The following TRRAP variants were observed in gnomAD, a reference collection of about 807,000 sequenced individuals.
The protein encoded by TRRAP is transformation/transcription domain associated protein, also known as transformation/transcription domain-associated protein.
A neutral mutation model predicts 438.8 loss-of-function variants in TRRAP; 41 were observed. The observed-to-expected ratio is 0.09, with a 90% CI of 0.07 to 0.12. TRRAP has a LOEUF of 0.12. TRRAP is among the 10% of genes least tolerant of loss of function. The probability of loss-of-function intolerance (pLI) is 1.00; values close to 1 mark genes in which losing one functional copy is unlikely to be tolerated. For missense variants in TRRAP, 3,122 were observed against 5,055.1 expected, an observed-to-expected ratio of 0.62 and a Z score of 11.60; for synonymous variants, 1,994 against 1,962.9, an observed-to-expected ratio of 1.02 and a Z score of -0.42.
intron 50 of TRRAP, 120 bp from the exon 51 acceptor site, chr7:98,967,365 A>AT (rs1562964021): frequency 7.5e-7 from 1 of 1,324,564 alleles, no homozygotes; most frequent in East Asian, 2.4e-5. Context: ...GATTTATAAC[A>AT]TACTCTTGGT....
At chr7:98,954,853 C>T (rs1342896577) in intron 40 of TRRAP, among the ~76,000 whole-genome samples, 1 of 152,236 alleles carries the variant, frequency 6.6e-6, no homozygotes, top group Non-Finnish European at 1.5e-5. Context: ...TTGGTCTTAC[C>T]TGTCTGCATG....
intron 70 of TRRAP, among the ~76,000 whole-genome samples, chr7:99,010,656 G>A (rs369945050): frequency 1.3e-5 from 2 of 152,186 alleles, no homozygotes; most frequent in East Asian, 1.9e-4. Flanking sequence ...TGAAACATCT[G>A]TCATTAGTAT....
chr7:98,919,021 A>G (rs1789666259), intron 20 of TRRAP, among the ~76,000 whole-genome samples: 1 of 151,830 alleles, frequency 6.6e-6, no homozygotes. Flanking sequence ...TTGATATGTT[A>G]AAGTTAGTTT....
chr7:98,881,919 A>T, intron 2 of TRRAP, 56 bp from the exon 3 acceptor site: 1 of 1,568,162 alleles, frequency 6.4e-7, no homozygotes. Context: ...GTTTTGCATT[A>T]ACATAATTTC....
rs782581231 is a variant in TRRAP, at chr7:98,937,656, G to A, written c.4240G>A (p.Glu1414Lys). Residue 1414 changes from glutamate (E) to lysine (K), a missense_variant, in exon 30 of 73, where the codon GAA becomes AAA. Glu to Lys is a moderately conservative substitution (Grantham distance 56, BLOSUM62 1). Transcript: ENST00000456197. ...AGEACMRKFL[E>K]GATIEVDQIH... ...AACTTTTCTTTTTTAATAGTTTTTA[G>A]AAGGTGCTACCATAGAAGTCGATCA... 6.3e-7 allele frequency: 1 copy of A among 1,596,632 alleles called. No homozygotes were observed.
At chr7:98,922,067 T>A in intron 21 of TRRAP, 114 bp downstream of exon 21, 5 of 1,407,868 alleles carry the variant, frequency 3.6e-6, no homozygotes, top group Non-Finnish European at 4.9e-6. Context: ...TAGAACCAGT[T>A]GTATCAGGTG....
chr7:98,916,214 A>G (rs1345644555), intron 19 of TRRAP, among the ~76,000 whole-genome samples: 7 of 152,220 alleles, frequency 4.6e-5, no homozygotes, highest in Admixed American at 3.9e-4. Context: ...CTAGTGGTTT[A>G]GTAAGATCAG....
intron 67 of TRRAP, among the ~76,000 whole-genome samples, chr7:98,995,172 TGG>T (rs1278139172): frequency 2.6e-5 from 4 of 151,532 alleles, no homozygotes; most frequent in Non-Finnish European, 5.9e-5. Flanking sequence ...CAGGGTAGGG[TGG>T]GGTGGTGGGA....
intron 14 of TRRAP, 39 bp from the exon 15 acceptor site, chr7:98,910,017 A>G (rs1554408347): frequency 1.3e-6 from 2 of 1,528,256 alleles, no homozygotes; most frequent in Non-Finnish European, 1.8e-6. Flanking sequence ...TTGAAGAAGA[A>G]TAATTCTGTC....
rs117532719 is a variant in TRRAP, at chr7:98,906,226, C to T, written c.1086C>T (p.Gly362=). 1,464 of 1,613,904 alleles carry T rather than the reference C, an allele frequency of 9.1e-4. 2 individuals carry two copies. Among genetic ancestry groups the T allele is most frequent in the Non-Finnish European group, 1.2e-3 (1,421 of 1,179,860 alleles). ...DKLFDESILI[G]SGYTARETLR... is the part of the protein sequence containing the mutation. ...TGTTTGATGAATCCATACTAATTGG[C>T]TCAGGATATACTGCCAGAGAGACTC... Residue 362 remains glycine, a synonymous_variant, in exon 13 of 73, where the codon GGC becomes GGT. Coordinates refer to ENST00000456197, the MANE Select transcript of TRRAP (RefSeq NM_001375524.1).
chr7:98,960,032 A>T (rs1791816517), intron 45 of TRRAP, among the ~76,000 whole-genome samples: 1 of 152,100 alleles, frequency 6.6e-6, no homozygotes, highest in African/African-American at 2.4e-5. Context: ...GGAGTGTTTA[A>T]CCTTAATACA....
At chr7:98,984,463 C>T (rs1379489016) in intron 61 of TRRAP, 105 bp downstream of exon 61, 2 of 1,365,266 alleles carry the variant, frequency 1.5e-6, no homozygotes, top group African/African-American at 1.5e-5. Flanking sequence ...AAGGTGGACT[C>T]GAACTTTCCA....
intron 40 of TRRAP, among the ~76,000 whole-genome samples, chr7:98,953,660 G>C (rs1036418852): frequency 6.6e-6 from 1 of 152,200 alleles, no homozygotes; most frequent in African/African-American, 2.4e-5. Context: ...GGGGTGGGGA[G>C]CGAGTATTGA....
At chr7:98,903,649 C>T in intron 12 of TRRAP, 132 bp downstream of exon 12, 1 of 1,297,892 alleles carries the variant, frequency 7.7e-7, no homozygotes, top group Non-Finnish European at 1.1e-6. Context: ...GTCTTGGGTT[C>T]ATTCTTTCCC....
intron 23 of TRRAP, 106 bp from the exon 24 acceptor site, chr7:98,929,883 C>A: frequency 8.1e-7 from 1 of 1,238,734 alleles, no homozygotes; most frequent in Non-Finnish European, 1.2e-6. Flanking sequence ...TGTGAGCCGC[C>A]GTGCCCTGCT....
chr7:98,966,972 G>T, intron 49 of TRRAP, 69 bp from the exon 50 acceptor site: 1 of 1,514,742 alleles, frequency 6.6e-7, no homozygotes, highest in Non-Finnish European at 8.9e-7. Context: ...AAAATTGTAG[G>T]AGCTTAAAAA....
rs1313275690 is a variant in TRRAP, at chr7:98,893,785, T to C, written c.367-13T>C. The C allele has an allele frequency of 6.2e-7, 1 of 1,610,168 alleles. No individual in the cohort carries two copies. Among genetic ancestry groups the C allele is most frequent in the African/African-American group, 1.3e-5 (1 of 74,804 alleles). On this transcript the variant is annotated splice_polypyrimidine_tract_variant and intron_variant, in intron 5 of 72. Coordinates refer to ENST00000456197, the MANE Select transcript of TRRAP (RefSeq NM_001375524.1). ...CTTCAGAAGTATAACTTTCATTAAA[T>C]GCTTTTTTTTAGACGGAAAATGAAG...
intron 23 of TRRAP, 49 bp downstream of exon 23, chr7:98,927,415 T>C: frequency 6.3e-7 from 1 of 1,584,528 alleles, no homozygotes. Context: ...TTGACTTTTA[T>C]AGGTGCTTTA....
Position 98,990,494 on chromosome 7 carries a change from T to C in TRRAP, c.9631T>C (p.Leu3211=), listed in dbSNP as rs1224960160. ...LLSFDDDKNT[L]ADAVDKYCIG... is the part of the protein sequence containing the mutation. ...GAGTTTTGATGATGACAAAAACACT[T>C]TGGCAGATGCCGTCGACAAGTACTG... is the stretch of plus-strand genomic sequence containing the variant. The change falls in exon 64 of 73, where the codon TTG becomes CTG. Residue 3211 remains leucine, a synonymous_variant. Transcript: ENST00000456197. 1 of 1,614,000 alleles carries C rather than the reference T, an allele frequency of 6.2e-7. No homozygotes were observed. Among genetic ancestry groups the C allele is most frequent in the Admixed American group, 1.7e-5 (1 of 60,024 alleles).
Sources: allele counts gnomAD v4.1 joint callset (sites outside exome capture counted in the v4.1 genomes callset), GRCh38; gene constraint gnomAD v4.1.1; transcripts MANE v1.5; gene names NCBI Gene and HGNC (gene_info 2026-07-23, HGNC 2026-07-21).